Variants in RIOK3 observed in about 807,000 individuals in gnomAD.
RIOK3 encodes RIO kinase 3, also known as serine/threonine-protein kinase RIO3.
In RIOK3, 40 loss-of-function variants were observed where a neutral mutation model predicts 63.5. The ratio of observed to expected loss-of-function variants is 0.63; its 90% CI spans 0.49 to 0.82. The LOEUF is 0.82. RIOK3 is among the 40% of genes least tolerant of loss of function. The pLI is 0.00. For synonymous variants in RIOK3, 193 were observed against 205.0 expected (o/e 0.94, Z 0.50); for missense variants, 557 against 637.0 (o/e 0.87, Z 1.35).
rs997036208 is a variant in RIOK3 at position 23,457,307 on chromosome 18, T to TA, written c.63+3813dup. 5.8e-4 allele frequency among the ~76,000 whole-genome samples: 88 copies of TA among 151,802 alleles called. 1 individual carries two copies. The highest frequency in any genetic ancestry group is 1.9e-3 in the African/African-American group (80 of 41,412). ...GTGTAGCTCTGTTGATAGAGAGTTG[T>TA]AAAAAAAATAAATAAATAGCGGTAC... On this transcript the variant is annotated intron_variant, in intron 1 of 12. Transcript: ENST00000339486.
chr18:23,480,795 T>TA (rs1182947692), intron 12 of RIOK3, among the ~76,000 whole-genome samples: 1 of 151,202 alleles, frequency 6.6e-6, no homozygotes, highest in African/African-American at 2.4e-5. Flanking sequence ...AAATAAAAAA[T>TA]AAAAAAACTG....
chr18:23,477,525 AGGGTGAGGTGGGT>A (rs2057499851), intron 11 of RIOK3, among the ~76,000 whole-genome samples: 1 of 152,110 alleles, frequency 6.6e-6, no homozygotes, highest in Admixed American at 6.6e-5. Flanking sequence ...GCACTTTGGG[AGGGTGAGGTGGGT>A]GGATCATTTG....
At chr18:23,468,293 C>CTTTTTTTTTTT (rs1245472469) in intron 7 of RIOK3, among the ~76,000 whole-genome samples, 1 of 46,448 alleles carries the variant, frequency 2.2e-5, no homozygotes, top group Non-Finnish European at 3.7e-5. Context: ...CAATATACTC[C>CTTTTTTTTTTT]TTTTTTTTTT....
At position 23,471,016 on chromosome 18, in the gene RIOK3, T is replaced by C. The variant is rs188374747; in HGVS notation, c.816-2413T>C. Among the ~76,000 whole-genome samples, 371 of 152,328 alleles carry C rather than the reference T, an allele frequency of 2.4e-3. 2 individuals carry two copies. Among genetic ancestry groups the C allele is most frequent in the Non-Finnish European group, 4.2e-3 (288 of 68,034 alleles). ...ATTGTGTCATCTGTTAACCAAATAGTTGAGCAGCTGTCAAGTACCAGGTAC... is the reference window on the plus strand; with the variant it reads ...ATTGTGTCATCTGTTAACCAAATAGCTGAGCAGCTGTCAAGTACCAGGTAC... On this transcript the variant is annotated intron_variant, in intron 7 of 12. Coordinates refer to ENST00000339486, the MANE Select transcript of RIOK3 (RefSeq NM_003831.5).
chr18:23,472,767 T>A (rs902929179), intron 7 of RIOK3, among the ~76,000 whole-genome samples: 10 of 152,228 alleles, frequency 6.6e-5, no homozygotes, highest in African/African-American at 2.4e-4. Context: ...GCTCCAATTT[T>A]TTTTCATTAT....
chr18:23,454,993 TTTCC>T lies in RIOK3; in HGVS notation c.63+1510_63+1513del, dbSNP rs57591516. Among the ~76,000 whole-genome samples the T allele has an allele frequency of 2.6e-4, 40 of 152,168 alleles. 1 individual carries two copies. The highest frequency in any genetic ancestry group is 3.9e-4 in the East Asian group (2 of 5,176). On this transcript the variant is annotated intron_variant, in intron 1 of 12. Transcript: ENST00000339486. The stretch of plus-strand genomic sequence containing the variant: ...CTCAAAACTTTTTAGTCAGGACTTC[TTTCC>T]TTCCTTCCTTCCTTCCTTTCCTTCC...
At position 23,475,025 on chromosome 18, in the gene RIOK3, A is replaced by G; in HGVS notation, c.1091A>G (p.His364Arg). ...KHILVMSFIG[H>R]DQVPAPKLKE... ...ATTTTAGTTATGTCTTTTATTGGCC[A>G]TGATCAAGTTCCAGCCCCTAAATTA... Residue 364 changes from histidine (H) to arginine (R), a missense_variant, in exon 9 of 13, where the codon CAT becomes CGT. Coordinates refer to ENST00000339486, the MANE Select transcript of RIOK3 (RefSeq NM_003831.5). 6.2e-7 allele frequency: 1 copy of G among 1,612,690 alleles called. No homozygotes were observed. Among genetic ancestry groups the G allele is most frequent in the Non-Finnish European group, 8.5e-7 (1 of 1,178,718 alleles).
Position 23,459,844 on chromosome 18 carries a change from A to G in RIOK3, c.64-3120A>G, listed in dbSNP as rs1034363130. Among the ~76,000 whole-genome samples, 5 of 152,096 alleles carry G rather than the reference A, an allele frequency of 3.3e-5. 1 individual carries two copies. The highest frequency in any genetic ancestry group is 2.6e-4 in the Admixed American group (4 of 15,260). ...TGCCACCATGCCTGTAGTGTAAATT[A>G]GTATAAAAAATACTAATTTTTATAT... On this transcript the variant is annotated intron_variant, in intron 1 of 12. Transcript: ENST00000339486.
At chr18:23,474,870 G>A in intron 8 of RIOK3, 78 bp from the exon 9 acceptor site, 1 of 1,119,952 alleles carries the variant, frequency 8.9e-7, no homozygotes, top group Non-Finnish European at 1.3e-6. Flanking sequence ...TGCAGGCCCT[G>A]ATTAGATATT....
At chr18:23,455,523 G>GC (rs1322572111) in intron 1 of RIOK3, among the ~76,000 whole-genome samples, 53 of 150,714 alleles carry the variant, frequency 3.5e-4, no homozygotes, top group African/African-American at 1.3e-3. Flanking sequence ...CTCCCGAGTA[G>GC]TGGGACCACA....
intron 7 of RIOK3, among the ~76,000 whole-genome samples, chr18:23,467,855 C>T (rs148013865): frequency 0.012 from 1,824 of 152,190 alleles, 45 homozygotes; most frequent in African/African-American, 0.042. Flanking sequence ...TGGCTCACTG[C>T]AATCTCTGCC....
chr18:23,470,229 G>T (rs1305649101), intron 7 of RIOK3, among the ~76,000 whole-genome samples: 1 of 152,122 alleles, frequency 6.6e-6, no homozygotes, highest in East Asian at 1.9e-4. Flanking sequence ...AGCCGGGCAT[G>T]GTGGCGGGCA....
chr18:23,482,681 T>A lies in RIOK3; in HGVS notation c.*1402T>A, dbSNP rs1300814190. On this transcript the variant is annotated 3_prime_UTR_variant, in exon 13 of 13. Coordinates refer to ENST00000339486, the MANE Select transcript of RIOK3 (RefSeq NM_003831.5). Reference sequence around the variant, plus strand: ...TAGGATTAAAGTTCATTAACTTCAATGTAATCATGCCTCCTATTACTGAAG... The same window carrying A: ...TAGGATTAAAGTTCATTAACTTCAAAGTAATCATGCCTCCTATTACTGAAG... 1 of 152,218 alleles carries A rather than the reference T, an allele frequency of 6.6e-6. No individual in the cohort carries two copies. The highest frequency in any genetic ancestry group is 1.5e-5 in the Non-Finnish European group (1 of 68,040). 9.4% of individuals were successfully genotyped at this position (152,218 alleles called of 1,614,324 possible). A position where few individuals can be genotyped will look rare whatever the true frequency, so the allele number is the denominator to read the frequency against.
chr18:23,471,366 G>A (rs966290024), intron 7 of RIOK3, among the ~76,000 whole-genome samples: 3 of 152,158 alleles, frequency 2.0e-5, no homozygotes, highest in African/African-American at 7.2e-5. Flanking sequence ...TATCTTTGAG[G>A]GAAGCGTAAG....
Position 23,477,016 on chromosome 18 carries a change from A to G in RIOK3, c.1184A>G (p.Gln395Arg), listed in dbSNP as rs766237296. Residue 395 changes from glutamine (Q) to arginine (R), a missense_variant, in exon 10 of 13, where the codon CAG (glutamine) becomes CGG (arginine). Gln to Arg is a conservative substitution (Grantham distance 43). This residue lies in a region of RIOK3 where 309 missense variants were observed against 338.7 expected (regional missense o/e 0.91). Coordinates refer to ENST00000339486, the MANE Select transcript of RIOK3 (RefSeq NM_003831.5). Reference protein sequence around the residue: ...AYYQTLHLMRQLYHECTLVHA... With the variant: ...AYYQTLHLMRRLYHECTLVHA... ...CTTCCCTCTTCACAGTTGATGCGGC[A>G]GTTATATCATGAATGTACGCTTGTC... is the stretch of plus-strand genomic sequence containing the variant. 1.4e-5 allele frequency: 22 copies of G among 1,613,088 alleles called. No individual in the cohort carries two copies. In the Middle Eastern group the frequency reaches 5.1e-4, roughly 38 times the overall value.
rs2057316506 is a variant in RIOK3, at chr18:23,453,447, T to C, written c.8T>C (p.Leu3Pro). 6.2e-7 allele frequency: 1 copy of C among 1,613,510 alleles called. No individual in the cohort carries two copies. Among genetic ancestry groups the C allele is most frequent in the African/African-American group, 1.3e-5 (1 of 74,938 alleles). MD[L>P]VGVASPEPGT... ...CTCTGCCTTCATTCCCGAATGGATC[T>C]GGTAGGAGTGGCATCGCCTGAGCCC... The change falls in exon 1 of 13, where the codon CTG (leucine) becomes CCG (proline). Residue 3 changes from leucine (L) to proline (P), a missense_variant. This residue lies in a region of RIOK3 where 243 missense variants were observed against 275.4 expected (regional missense o/e 0.88). Coordinates refer to ENST00000339486, the MANE Select transcript of RIOK3 (RefSeq NM_003831.5).
At chr18:23,464,756 CA>C (rs2057395179) in intron 5 of RIOK3, 128 bp downstream of exon 5, 1 of 472,148 alleles carries the variant, frequency 2.1e-6, no homozygotes, top group Non-Finnish European at 3.7e-6. Flanking sequence ...TTTTAGATAA[CA>C]ATATGGCAAT....
At chr18:23,461,344 CAAT>C (rs2057371085) in intron 1 of RIOK3, among the ~76,000 whole-genome samples, 1 of 152,130 alleles carries the variant, frequency 6.6e-6, no homozygotes, top group Non-Finnish European at 1.5e-5. Flanking sequence ...CAATGGGAAA[CAAT>C]AAAAAAGATT....
Position 23,477,096 on chromosome 18 carries a change from A to C in RIOK3, c.1254+10A>C, listed in dbSNP as rs2057496363. ...GTGGCATGCTGGAAAGGTGAGGAGC[A>C]CATTTTGTTAACATTCAGATTTAAT... On this transcript the variant is annotated intron_variant, in intron 10 of 12. Coordinates refer to ENST00000339486, the MANE Select transcript of RIOK3 (RefSeq NM_003831.5). 6.2e-7 allele frequency: 1 copy of C among 1,613,406 alleles called. No homozygotes were observed. Among genetic ancestry groups the C allele is most frequent in the Non-Finnish European group, 8.5e-7 (1 of 1,179,448 alleles).
Sources: allele counts gnomAD v4.1 joint callset (sites outside exome capture counted in the v4.1 genomes callset), GRCh38; gene constraint gnomAD v4.1.1; regional missense constraint gnomAD v4.1.1; transcripts MANE v1.5; gene names NCBI Gene and HGNC (gene_info 2026-07-23, HGNC 2026-07-21).